Variants in CSNK1G1 observed in about 807,000 individuals in gnomAD.
CSNK1G1 encodes the protein casein kinase 1 gamma 1, also known as casein kinase I isoform gamma-1.
CSNK1G1 carries 22 observed loss-of-function variants against 59.6 expected under a neutral mutation model. The observed-to-expected ratio is 0.37, with a 90% CI of 0.26 to 0.53. The LOEUF (loss-of-function observed/expected upper bound fraction) is 0.53, where lower values mean the gene tolerates loss of function less well. Among genes scored for constraint, CSNK1G1 ranks in the 20% least tolerant of loss-of-function variants. CSNK1G1 has a pLI of 0.89. For missense variants in CSNK1G1, 384 were observed against 519.5 expected (o/e 0.74, Z 2.54); for synonymous variants, 179 against 177.1 (o/e 1.01, Z -0.08).
At chr15:64,353,646 CAAA>C (rs11301406) in intron 1 of CSNK1G1, among the ~76,000 whole-genome samples, 16 of 113,366 alleles carry the variant, frequency 1.4e-4, no homozygotes, top group Non-Finnish European at 1.7e-4. Flanking sequence ...GACTCCATTT[CAAA>C]AAAAAAAAAA....
At chr15:64,330,632 C>T (rs1209192156) in intron 1 of CSNK1G1, among the ~76,000 whole-genome samples, 1 of 87,130 alleles carries the variant, frequency 1.1e-5, no homozygotes, top group East Asian at 3.2e-4. Context: ...GGGATGCCCT[C>T]TCTCACTGCT....
intron 11 of CSNK1G1, among the ~76,000 whole-genome samples, chr15:64,173,747 T>C (rs2081706170): frequency 6.7e-6 from 1 of 150,300 alleles, no homozygotes; most frequent in African/African-American, 2.4e-5. Flanking sequence ...CTCAGCCTCC[T>C]GAGTAGCTGG....
At chr15:64,175,747 T>G (rs2081734047) in intron 11 of CSNK1G1, among the ~76,000 whole-genome samples, 1 of 152,190 alleles carries the variant, frequency 6.6e-6, no homozygotes, top group Admixed American at 6.5e-5. Context: ...GAGCTCCCCC[T>G]TTTTTGAGGT....
intron 1 of CSNK1G1, among the ~76,000 whole-genome samples, chr15:64,322,547 G>A (rs1896619604): frequency 6.6e-6 from 1 of 152,032 alleles, no homozygotes; most frequent in Non-Finnish European, 1.5e-5. Flanking sequence ...AGGCATGGTG[G>A]CTCATGCCTG....
At chr15:64,198,192 CTTTTTTTTTTT>C (rs893282431) in intron 10 of CSNK1G1, among the ~76,000 whole-genome samples, 37 of 110,564 alleles carry the variant, frequency 3.3e-4, no homozygotes, top group East Asian at 2.4e-4. Context: ...ACAGGATATA[CTTTTTTTTTTT>C]TTTTTTTTTT....
chr15:64,233,071 C>A (rs904929922), intron 4 of CSNK1G1, among the ~76,000 whole-genome samples: 1 of 152,098 alleles, frequency 6.6e-6, no homozygotes, highest in Non-Finnish European at 1.5e-5. Context: ...ATTTCTAGAA[C>A]CTTACCTTCT....
In CSNK1G1 at chr15:64,166,897, T is replaced by C. The variant is rs1212510979; in HGVS notation, c.*5034A>G. On this transcript the variant is annotated 3_prime_UTR_variant, in exon 12 of 12. Transcript: ENST00000303052. This position sits in a 1 kb window ranked among gnomAD's most constrained non-coding sequence, Gnocchi z 4.5. ...GCACTGGGAAAGTGATTGTGAGGAG[T>C]AAAAGAAGAAAAATAAAAGAAATTC... 6.6e-6 allele frequency: 1 copy of C among 152,396 alleles called. No homozygotes were observed. The highest frequency in any genetic ancestry group is 1.5e-5 in the Non-Finnish European group (1 of 68,004). 9.4% of individuals were successfully genotyped at this position (152,396 alleles called of 1,614,324 possible). A position where few individuals can be genotyped will look rare whatever the true frequency, so the allele number is the denominator to read the frequency against.
chr15:64,323,434 C>G (rs1231544686), intron 1 of CSNK1G1, among the ~76,000 whole-genome samples: 1 of 151,702 alleles, frequency 6.6e-6, no homozygotes, highest in Non-Finnish European at 1.5e-5. Flanking sequence ...GGCGCAATCT[C>G]GGCTCACTGC....
chr15:64,288,494 C>T (rs1188223248), intron 2 of CSNK1G1, among the ~76,000 whole-genome samples: 3 of 151,562 alleles, frequency 2.0e-5, no homozygotes, highest in African/African-American at 7.3e-5. Flanking sequence ...TCTATGTAAC[C>T]TAGTTATTGG....
intron 2 of CSNK1G1, among the ~76,000 whole-genome samples, chr15:64,272,442 C>A (rs2070329283): frequency 6.6e-6 from 1 of 152,128 alleles, no homozygotes; most frequent in Non-Finnish European, 1.5e-5. Flanking sequence ...TGGTCTCAAT[C>A]TCCTGACCTT....
chr15:64,239,163 CCACT>C (rs1267685869), intron 4 of CSNK1G1, among the ~76,000 whole-genome samples: 1 of 152,160 alleles, frequency 6.6e-6, no homozygotes, highest in Non-Finnish European at 1.5e-5. Context: ...TCTATCAAAG[CCACT>C]CTAGAAAGTT....
At chr15:64,191,274 A>T (rs929913730) in intron 10 of CSNK1G1, among the ~76,000 whole-genome samples, 8 of 151,914 alleles carry the variant, frequency 5.3e-5, no homozygotes, top group African/African-American at 1.9e-4. Flanking sequence ...GTTAGCTAGG[A>T]TGGTCTCGAT....
At chr15:64,307,478 C>T (rs1895740803) in intron 1 of CSNK1G1, among the ~76,000 whole-genome samples, 1 of 152,140 alleles carries the variant, frequency 6.6e-6, no homozygotes, top group Non-Finnish European at 1.5e-5. Flanking sequence ...CTTTGGGAGG[C>T]TGAGGCAGGT....
intron 6 of CSNK1G1, among the ~76,000 whole-genome samples, chr15:64,209,193 C>A (rs1173883890): frequency 1.3e-5 from 2 of 152,168 alleles, no homozygotes; most frequent in African/African-American, 4.8e-5. Flanking sequence ...CCTGGCCCAT[C>A]TCAGACATTT....
intron 4 of CSNK1G1, among the ~76,000 whole-genome samples, chr15:64,244,336 G>T (rs1891637850): frequency 6.9e-6 from 1 of 145,260 alleles, no homozygotes; most frequent in South Asian, 2.2e-4. Context: ...AAGGGAAACT[G>T]TAAAACACTG....
intron 4 of CSNK1G1, among the ~76,000 whole-genome samples, chr15:64,223,684 T>A (rs1279296090): frequency 2.0e-5 from 3 of 152,220 alleles, no homozygotes; most frequent in African/African-American, 7.2e-5. Flanking sequence ...GTTAAATCTC[T>A]TATAAACCAA....
chr15:64,183,151 T>C (rs1268696473), intron 10 of CSNK1G1, among the ~76,000 whole-genome samples: 3 of 152,198 alleles, frequency 2.0e-5, no homozygotes, highest in Non-Finnish European at 4.4e-5. Context: ...GAGAATTACC[T>C]GGTGACTCTG....
At chr15:64,198,074 T>C (rs927325200) in intron 10 of CSNK1G1, among the ~76,000 whole-genome samples, 1 of 152,090 alleles carries the variant, frequency 6.6e-6, no homozygotes, top group Non-Finnish European at 1.5e-5. Flanking sequence ...ATGATAATAA[T>C]TTGCAACTTG....
intron 2 of CSNK1G1, among the ~76,000 whole-genome samples, chr15:64,288,329 G>A (rs1894537189): frequency 6.6e-6 from 1 of 151,868 alleles, no homozygotes; most frequent in East Asian, 1.9e-4. Flanking sequence ...ATATGGGCAA[G>A]GTATGTACGT....
Sources: gnomAD v4.1 joint callset for allele counts (sites outside exome capture counted in the v4.1 genomes callset) on GRCh38, gnomAD v4.1.1 for gene constraint, Gnocchi (gnomAD v3.1) non-coding constraint, MANE v1.5 for transcripts, NCBI Gene and HGNC (gene_info 2026-07-23, HGNC 2026-07-21) for gene names.